Variants in GAL3ST2 observed in about 807,000 individuals in gnomAD.
GAL3ST2 encodes the protein beta-galactose-3-O-sulfotransferase 2.
In GAL3ST2, 16 loss-of-function variants were observed where a neutral mutation model predicts 12.9. The observed-to-expected ratio is 1.24, with a 90% confidence interval of 0.84 to 1.88. GAL3ST2 has a LOEUF of 1.88. Ranked by LOEUF, GAL3ST2 falls within the 40% of genes most tolerant of loss-of-function variation. The pLI is 0.00. For synonymous variants in GAL3ST2, 302 were observed against 273.9 expected, an observed-to-expected ratio of 1.10 and a Z score of -1.01; for missense variants, 639 against 571.8, an observed-to-expected ratio of 1.12 and a Z score of -1.20.
chr2:241,797,085 C>G (rs1210916061), intron 1 of GAL3ST2, among the ~76,000 whole-genome samples: 2 of 152,238 alleles, frequency 1.3e-5, no homozygotes, highest in African/African-American at 4.8e-5. Flanking sequence ...CCTCAAACTC[C>G]TAGGCTCAAG....
chr2:241,791,305 T>G (rs750638769), intron 1 of GAL3ST2, among the ~76,000 whole-genome samples: 2 of 152,230 alleles, frequency 1.3e-5, no homozygotes, highest in Admixed American at 6.5e-5. Context: ...GTACAGTTAT[T>G]TGTATAAGTG....
chr2:241,777,459 T>C (rs1373667947), intron 1 of GAL3ST2, among the ~76,000 whole-genome samples: 1 of 152,166 alleles, frequency 6.6e-6, no homozygotes. Context: ...TCTGCTGTGC[T>C]GTCTCCCTTC....
intron 1 of GAL3ST2, among the ~76,000 whole-genome samples, chr2:241,779,345 C>G (rs940792641): frequency 1.3e-5 from 2 of 150,258 alleles, no homozygotes; most frequent in African/African-American, 4.9e-5. Context: ...GCCATTCTCC[C>G]GCCTCAGCCT....
rs188917437 is a variant in GAL3ST2 at position 241,782,067 on chromosome 2, C to A, written c.29+5083C>A. Among the ~76,000 whole-genome samples, 29 of 152,172 alleles carry A rather than the reference C, an allele frequency of 1.9e-4. No homozygotes were observed. The East Asian group carries it at 5.0e-3, about 26-fold the overall frequency. ...TGATCTATAACATTTTAATCTTGAT[C>A]ATAAGATACAACTTCCATAAGCCTT... On this transcript the variant is annotated intron_variant, in intron 1 of 3. Transcript: ENST00000192314.
intron 1 of GAL3ST2, among the ~76,000 whole-genome samples, chr2:241,794,128 G>T (rs533029011): frequency 6.6e-6 from 1 of 152,006 alleles, no homozygotes; most frequent in East Asian, 1.9e-4. Context: ...TGTATTTTTC[G>T]TAGAGATGGG....
Position 241,803,994 on chromosome 2 carries a change from A to G in GAL3ST2, c.1025A>G (p.Tyr342Cys), listed in dbSNP as rs1188612244. ...TQIRDPRLRP[Y>C]QSGKADILGY... Reference sequence around the variant, plus strand: ...ATCAGAGACCCGCGCCTGCGCCCCTACCAGTCCGGCAAGGCCGACATCCTG... The same window carrying G: ...ATCAGAGACCCGCGCCTGCGCCCCTGCCAGTCCGGCAAGGCCGACATCCTG... Residue 342 changes from tyrosine to cysteine, a missense_variant, in exon 4 of 4, where the codon TAC becomes TGC. Tyr to Cys is a radical substitution (Grantham distance 194). Transcript: ENST00000192314. 3.8e-6 allele frequency: 6 copies of G among 1,560,734 alleles called. No homozygotes were observed. Among genetic ancestry groups the G allele is most frequent in the South Asian group, 3.6e-5 (3 of 83,616 alleles).
intron 1 of GAL3ST2, among the ~76,000 whole-genome samples, chr2:241,788,163 G>A (rs1313603260): frequency 6.6e-6 from 1 of 152,102 alleles, no homozygotes; most frequent in African/African-American, 2.4e-5. Context: ...CCGCTTTTGG[G>A]GTGTTCTGTC....
At chr2:241,786,170 T>TG (rs57805373) in intron 1 of GAL3ST2, among the ~76,000 whole-genome samples, 3 of 148,570 alleles carry the variant, frequency 2.0e-5, no homozygotes, top group African/African-American at 7.6e-5. Flanking sequence ...TGTGTGTGTG[T>TG]TGGGGGGGAT....
intron 1 of GAL3ST2, among the ~76,000 whole-genome samples, chr2:241,792,015 T>C (rs1238159330): frequency 1.6e-5 from 2 of 123,034 alleles, no homozygotes; most frequent in Non-Finnish European, 3.4e-5. Context: ...TCTTTCTTTC[T>C]TTTTTTTTTT....
intron 1 of GAL3ST2, among the ~76,000 whole-genome samples, chr2:241,778,976 TGGGG>T (rs1440133970): frequency 6.6e-6 from 1 of 152,060 alleles, no homozygotes; most frequent in Non-Finnish European, 1.5e-5. Context: ...TTGAATACAA[TGGGG>T]GGCAGGTTTG....
At chr2:241,792,938 A>G (rs897774062) in intron 1 of GAL3ST2, among the ~76,000 whole-genome samples, 1 of 151,940 alleles carries the variant, frequency 6.6e-6, no homozygotes, top group Non-Finnish European at 1.5e-5. Context: ...GAATGCAACC[A>G]TTTGTCTCTT....
chr2:241,802,108 C>G lies in GAL3ST2; in HGVS notation c.375+72C>G. On this transcript the variant is annotated intron_variant, in intron 3 of 3. Transcript: ENST00000192314. This position sits in a 1 kb window ranked among gnomAD's most constrained non-coding sequence, Gnocchi z 4.8. ...TGGCTGTGGGTCTGGGTGGTGTAGC[C>G]TGGAGGCTGGAGAGAAGGAGTGTAA... 6.7e-7 allele frequency: 1 copy of G among 1,496,736 alleles called. No individual in the cohort carries two copies. Among genetic ancestry groups the G allele is most frequent in the Admixed American group, 2.1e-5 (1 of 48,456 alleles). 92.7% of individuals were successfully genotyped at this position (1,496,736 alleles called of 1,614,324 possible). A position where few individuals can be genotyped will look rare whatever the true frequency, so the allele number is the denominator to read the frequency against.
chr2:241,802,016 C>G lies in GAL3ST2; in HGVS notation c.355C>G (p.Leu119Val), dbSNP rs763155519. Residue 119 changes from leucine (L) to valine (V), a missense_variant, in exon 3 of 4, where the codon CTG (leucine) becomes GTG (valine). Transcript: ENST00000192314. The surrounding 1 kb of genome is among the most constrained non-coding windows in gnomAD (Gnocchi z 4.8). ...QQRFNIMCNH[L>V]RFNLPQVQKV... ...GCGCTTCAACATCATGTGCAACCACCTGAGGTTCAACCTGCCTCAGGTACC... is the reference window on the plus strand; with the variant it reads ...GCGCTTCAACATCATGTGCAACCACGTGAGGTTCAACCTGCCTCAGGTACC... 2.5e-6 allele frequency: 4 copies of G among 1,611,936 alleles called. No homozygotes were observed. The highest frequency in any genetic ancestry group is 1.1e-5 in the South Asian group (1 of 90,914).
chr2:241,781,498 TAA>T, intron 1 of GAL3ST2, among the ~76,000 whole-genome samples: 1 of 152,270 alleles, frequency 6.6e-6, no homozygotes. Context: ...CTGTGGATGA[TAA>T]AAAGTTTTAG....
intron 3 of GAL3ST2, 35 bp from the exon 4 acceptor site, chr2:241,803,310 C>G (rs1364080129): frequency 6.5e-7 from 1 of 1,527,812 alleles, no homozygotes; most frequent in South Asian, 1.3e-5. Context: ...GGCCTGGGCC[C>G]GCGGTCCGCA....
Position 241,801,419 on chromosome 2 carries a change from G to C in GAL3ST2, c.120-362G>C, listed in dbSNP as rs1412392749. On this transcript the variant is annotated intron_variant, in intron 2 of 3. Coordinates refer to ENST00000192314, the MANE Select transcript of GAL3ST2 (RefSeq NM_022134.3). The surrounding 1 kb of genome is among the most constrained non-coding windows in gnomAD (Gnocchi z 4.4). Reference sequence around the variant, plus strand: ...CCGCAAAGGGGAGGGGGTGTGACGAGGCGTCTACCTCCCATCCCATCACTG... The same window carrying C: ...CCGCAAAGGGGAGGGGGTGTGACGACGCGTCTACCTCCCATCCCATCACTG... 2.9e-6 allele frequency: 1 copy of C among 348,346 alleles called. No individual in the cohort carries two copies. The highest frequency in any genetic ancestry group is 5.7e-5 in the East Asian group (1 of 17,392). The allele number at this position is 348,346 out of a possible 1,614,324, so 21.6% of individuals were successfully genotyped here.
chr2:241,804,110 T>C lies in GAL3ST2; in HGVS notation c.1141T>C (p.Tyr381His). The change falls in exon 4 of 4, where the codon TAC becomes CAC. Residue 381 changes from tyrosine (Y) to histidine (H), a missense_variant. By Grantham distance (83) the Tyr-to-His change is moderately conservative. Transcript: ENST00000192314. ...MPELQYMARL[Y>H]ALQFPEKPLK... ...TGAGCTCCAGTACATGGCCCGCCTG[T>C]ACGCCCTGCAGTTCCCGGAGAAGCC... 1 of 1,514,768 alleles carries C rather than the reference T, an allele frequency of 6.6e-7. No individual in the cohort carries two copies. The highest frequency in any genetic ancestry group is 8.8e-7 in the Non-Finnish European group (1 of 1,130,924). 93.8% of individuals were successfully genotyped at this position (1,514,768 alleles called of 1,614,324 possible). A position where few individuals can be genotyped will look rare whatever the true frequency, so the allele number is the denominator to read the frequency against.
chr2:241,793,583 ATGTATGTATATG>A lies in GAL3ST2; in HGVS notation c.30-5476_30-5465del, dbSNP rs1327705096. 7.1e-6 allele frequency among the ~76,000 whole-genome samples: 1 copy of A among 141,472 alleles called. No individual in the cohort carries two copies. Among genetic ancestry groups the A allele is most frequent in the South Asian group, 2.2e-4 (1 of 4,494 alleles). 92.8% of individuals were successfully genotyped at this position (141,472 alleles called of 152,430 possible). On this transcript the variant is annotated intron_variant, in intron 1 of 3. Transcript: ENST00000192314. The surrounding 1 kb of genome is among the most constrained non-coding windows in gnomAD (Gnocchi z 4.7). ...TGTGTATATGTGTGCGTATATGTGT[ATGTATGTATATG>A]TGTATATGTGTGTGTATTGTGTGTG...
chr2:241,795,708 AGT>A lies in GAL3ST2; in HGVS notation c.30-3353_30-3352del, dbSNP rs1167773673. On this transcript the variant is annotated intron_variant, in intron 1 of 3. Transcript: ENST00000192314. This position sits in a 1 kb window ranked among gnomAD's most constrained non-coding sequence, Gnocchi z 4.5. The stretch of plus-strand genomic sequence containing the variant: ...ATGGCAGAGCAGGAGCTCCGCTCTC[AGT>A]GTGGGGCCTCGTTTGGGTTTGGGAA... Among the ~76,000 whole-genome samples, 1 of 152,258 alleles carries A rather than the reference AGT, an allele frequency of 6.6e-6. No homozygotes were observed. Among genetic ancestry groups the A allele is most frequent in the Non-Finnish European group, 1.5e-5 (1 of 68,044 alleles).
Sources: gnomAD v4.1 joint callset for allele counts (sites outside exome capture counted in the v4.1 genomes callset) on GRCh38, gnomAD v4.1.1 for gene constraint, Gnocchi (gnomAD v3.1) non-coding constraint, MANE v1.5 for transcripts, NCBI Gene and HGNC (gene_info 2026-07-23, HGNC 2026-07-21) for gene names.